The following DRD2 variants were observed in gnomAD, a reference collection of about 807,000 sequenced individuals.
The protein encoded by DRD2 is D(2) dopamine receptor.
DRD2 carries 8 observed loss-of-function variants against 38.0 expected under a neutral mutation model. The ratio of observed to expected loss-of-function variants is 0.21; its 90% CI spans 0.12 to 0.38. The LOEUF (loss-of-function observed/expected upper bound fraction) is 0.38, where lower values mean the gene tolerates loss of function less well. DRD2 is among the 10% of genes least tolerant of loss of function. DRD2 has a pLI of 1.00. For missense variants in DRD2, 403 were observed against 607.7 expected, an observed-to-expected ratio of 0.66 and a Z score of 3.54; for synonymous variants, 230 against 238.6, an observed-to-expected ratio of 0.96 and a Z score of 0.33.
chr11:113,458,903 C>T (rs1380174737), intron 1 of DRD2, among the ~76,000 whole-genome samples: 2 of 151,762 alleles, frequency 1.3e-5, no homozygotes, highest in Non-Finnish European at 2.9e-5. Flanking sequence ...CTGGGGGCAG[C>T]GATGGGGCAG....
At chr11:113,454,128 C>A (rs1185399367) in intron 1 of DRD2, among the ~76,000 whole-genome samples, 1 of 152,120 alleles carries the variant, frequency 6.6e-6, no homozygotes, top group Admixed American at 6.6e-5. Flanking sequence ...CAGTTTGAGT[C>A]TTTACACAAT....
At chr11:113,429,149 T>C (rs577186335) in intron 1 of DRD2, among the ~76,000 whole-genome samples, 26 of 152,208 alleles carry the variant, frequency 1.7e-4, no homozygotes, top group Middle Eastern at 3.4e-3. Context: ...ATTTACACCA[T>C]AGGAAAAAAA....
intron 1 of DRD2, among the ~76,000 whole-genome samples, chr11:113,437,260 G>C (rs1052113203): frequency 2.0e-5 from 3 of 152,194 alleles, no homozygotes; most frequent in Non-Finnish European, 2.9e-5. Flanking sequence ...GTGAACATCA[G>C]TGGATCTGCC....
At chr11:113,413,327 A>G (rs376441162) in intron 6 of DRD2, 10 of 531,324 alleles carry the variant, frequency 1.9e-5, no homozygotes, top group African/African-American at 1.7e-4. Context: ...CTCCCACTTC[A>G]TGGGTACCTG....
Position 113,414,475 on chromosome 11 carries a change from C to T in DRD2, c.724-14G>A. 1 of 1,614,032 alleles carries T rather than the reference C, an allele frequency of 6.2e-7. No individual in the cohort carries two copies. The highest frequency in any genetic ancestry group is 8.5e-7 in the Non-Finnish European group (1 of 1,180,016). ...AGTACAGTTGCCCTGTGGAGTGAGC[C>T]AGCACATGGGTCACACAAAGTGGTG... On this transcript the variant is annotated splice_polypyrimidine_tract_variant and intron_variant, in intron 5 of 7. Transcript: ENST00000362072.
chr11:113,472,956 C>T (rs1385090786), intron 1 of DRD2, among the ~76,000 whole-genome samples: 2 of 152,142 alleles, frequency 1.3e-5, no homozygotes, highest in Non-Finnish European at 2.9e-5. Context: ...TTAATTTCAG[C>T]AAAGATTTAA....
At chr11:113,457,432 C>T (rs1207559946) in intron 1 of DRD2, among the ~76,000 whole-genome samples, 1 of 152,102 alleles carries the variant, frequency 6.6e-6, no homozygotes, top group Non-Finnish European at 1.5e-5. Flanking sequence ...TGGGCAGGGC[C>T]CTCAAGGATG....
intron 2 of DRD2, among the ~76,000 whole-genome samples, chr11:113,423,457 G>A (rs1962262): frequency 0.16 from 24,828 of 152,016 alleles, 2,525 homozygotes; most frequent in East Asian, 0.41. Context: ...TGCATTTTTA[G>A]TAGAGATGGG....
rs369360765 is a variant in DRD2 at position 113,460,641 on chromosome 11, A to G, written c.-32+14435T>C. Among the ~76,000 whole-genome samples the G allele has an allele frequency of 3.3e-5, 5 of 152,172 alleles. 1 individual carries two copies. In the East Asian group the frequency reaches 5.8e-4, roughly 18 times the overall value. ...AGCTTGGCTGCTCAGAGGCACATGG[A>G]CACTGCTGGCCACATGTGCCCCTGT... is the stretch of plus-strand genomic sequence containing the variant. On this transcript the variant is annotated intron_variant, in intron 1 of 7. Coordinates refer to ENST00000362072, the MANE Select transcript of DRD2 (RefSeq NM_000795.4).
intron 6 of DRD2, 144 bp from the exon 7 acceptor site, chr11:113,413,027 T>C: frequency 1.1e-6 from 1 of 948,924 alleles, no homozygotes; most frequent in Non-Finnish European, 1.6e-6. Flanking sequence ...AGGATGTCAC[T>C]GAGGCATGGG....
At chr11:113,417,087 C>T in intron 3 of DRD2, 88 bp from the exon 4 acceptor site, 1 of 1,536,370 alleles carries the variant, frequency 6.5e-7, no homozygotes, top group Non-Finnish European at 8.8e-7. Flanking sequence ...ACCCTCACTC[C>T]TTGGGGCTAA....
intron 1 of DRD2, among the ~76,000 whole-genome samples, chr11:113,443,774 G>T (rs1394807283): frequency 6.6e-6 from 1 of 152,124 alleles, no homozygotes; most frequent in Non-Finnish European, 1.5e-5. Context: ...TAAGTGGAAT[G>T]CATTGGGAAA....
rs1951471860 is a variant in DRD2 at position 113,475,280 on chromosome 11, G to A, written c.-236C>T. Reference sequence around the variant, plus strand: ...CCGGCTCTGGCCCGCGGGGAGCAGTGGACGGGCCGCGGCGGGGCGGGGCGG... The same window carrying A: ...CCGGCTCTGGCCCGCGGGGAGCAGTAGACGGGCCGCGGCGGGGCGGGGCGG... On this transcript the variant is annotated 5_prime_UTR_variant, in exon 1 of 8. Coordinates refer to ENST00000362072, the MANE Select transcript of DRD2 (RefSeq NM_000795.4). 6.7e-6 allele frequency: 1 copy of A among 148,262 alleles called. No individual in the cohort carries two copies. Among genetic ancestry groups the A allele is most frequent in the South Asian group, 1.8e-4 (1 of 5,576 alleles). 9.2% of individuals were successfully genotyped at this position (148,262 alleles called of 1,614,324 possible).
intron 2 of DRD2, 87 bp from the exon 3 acceptor site, chr11:113,418,223 G>T: frequency 9.0e-7 from 1 of 1,107,676 alleles, no homozygotes; most frequent in Non-Finnish European, 1.4e-6. Context: ...AGCCGATGAG[G>T]CCACAGACTC....
chr11:113,417,426 C>G (rs79099229), intron 3 of DRD2, among the ~76,000 whole-genome samples: 2 of 152,202 alleles, frequency 1.3e-5, no homozygotes, highest in African/African-American at 4.8e-5. Context: ...ATAACAATGG[C>G]AATTGTCTAC....
Position 113,418,156 on chromosome 11 carries a change from A to G in DRD2, c.286-20T>C. On this transcript the variant is annotated intron_variant, in intron 2 of 7. Transcript: ENST00000362072. ...TACCACCTGGGGACAAAGCAACATA[A>G]TGGATGGACAGCAGGAGTGGGAGAT... 3 of 1,585,038 alleles carry G rather than the reference A, an allele frequency of 1.9e-6. No individual in the cohort carries two copies. Among genetic ancestry groups the G allele is most frequent in the Non-Finnish European group, 2.6e-6 (3 of 1,153,748 alleles).
At chr11:113,419,137 C>A (rs1364657212) in intron 2 of DRD2, among the ~76,000 whole-genome samples, 2 of 152,210 alleles carry the variant, frequency 1.3e-5, no homozygotes, top group African/African-American at 4.8e-5. Context: ...CCTGCTCTGG[C>A]CCAGGCTCTG....
At chr11:113,440,694 C>T (rs923020484) in intron 1 of DRD2, among the ~76,000 whole-genome samples, 3 of 152,210 alleles carry the variant, frequency 2.0e-5, no homozygotes, top group Non-Finnish European at 4.4e-5. Flanking sequence ...ACCAGTACCT[C>T]TTTGGATAAG....
intron 1 of DRD2, among the ~76,000 whole-genome samples, chr11:113,438,312 G>T (rs1265009988): frequency 1.3e-5 from 2 of 152,102 alleles, no homozygotes; most frequent in African/African-American, 2.4e-5. Flanking sequence ...TAACATGGGG[G>T]CAATAACATC....
Sources: gnomAD v4.1 joint callset for allele counts (sites outside exome capture counted in the v4.1 genomes callset) on GRCh38, gnomAD v4.1.1 for gene constraint, MANE v1.5 for transcripts, NCBI Gene and HGNC (gene_info 2026-07-23, HGNC 2026-07-21) for gene names.